Variants in PTPRM observed in about 807,000 individuals in gnomAD.
PTPRM encodes the protein receptor-type tyrosine-protein phosphatase mu.
A neutral mutation model predicts 186.7 loss-of-function variants in PTPRM; 47 were observed. The ratio of observed to expected loss-of-function variants is 0.25; its 90% CI spans 0.20 to 0.32. PTPRM has a LOEUF of 0.32. Among genes scored for constraint, PTPRM ranks in the 10% least tolerant of loss-of-function variants. The pLI is 1.00. For missense variants in PTPRM, 1,494 were observed against 1,865.0 expected, an observed-to-expected ratio of 0.80 and a Z score of 3.66; for synonymous variants, 668 against 674.9, an observed-to-expected ratio of 0.99 and a Z score of 0.16.
chr18:7,960,470 TATATATATATACAC>T (rs1160788825), intron 7 of PTPRM, among the ~76,000 whole-genome samples: 110 of 115,962 alleles, frequency 9.5e-4, no homozygotes, highest in African/African-American at 3.4e-3. Context: ...TATATATATA[TATATATATATACAC>T]ACACACACAC....
In PTPRM at chr18:8,327,238, A is replaced by C. The variant is rs144311174; in HGVS notation, c.2956+8024A>C. ...TTCCTTTTATGCTCAGAGGATCCAG[A>C]TGCCCAGTGTCATCTTTGAGGATGC... On this transcript the variant is annotated intron_variant, in intron 22 of 32. Transcript: ENST00000580170. Among the ~76,000 whole-genome samples, 830 of 152,340 alleles carry C rather than the reference A, an allele frequency of 5.4e-3. 6 individuals are homozygous for C. Among genetic ancestry groups the C allele is most frequent in the African/African-American group, 0.019 (797 of 41,586 alleles).
chr18:7,594,997 C>G (rs1218568276), intron 1 of PTPRM, among the ~76,000 whole-genome samples: 3 of 152,110 alleles, frequency 2.0e-5, no homozygotes, highest in African/African-American at 4.8e-5. Flanking sequence ...TCTTGGAGTT[C>G]TGGGGTCTTT....
At chr18:8,341,891 C>A (rs1357645429) in intron 22 of PTPRM, among the ~76,000 whole-genome samples, 1 of 152,246 alleles carries the variant, frequency 6.6e-6, no homozygotes, top group Non-Finnish European at 1.5e-5. Context: ...TCTTCAGCCT[C>A]TACATCAGGA....
At chr18:8,076,416 T>G (rs750626052) in intron 8 of PTPRM, 39 bp from the exon 9 acceptor site, 1 of 1,238,956 alleles carries the variant, frequency 8.1e-7, no homozygotes, top group Non-Finnish European at 1.2e-6. Context: ...TTTTAATTGT[T>G]TATTACTTAA....
chr18:7,884,731 T>G (rs1465854129), intron 2 of PTPRM, among the ~76,000 whole-genome samples: 1 of 151,950 alleles, frequency 6.6e-6, no homozygotes, highest in Non-Finnish European at 1.5e-5. Flanking sequence ...AAGACCAGCC[T>G]GACCAACATG....
chr18:7,758,016 G>A (rs1473182839), intron 1 of PTPRM, among the ~76,000 whole-genome samples: 3 of 152,042 alleles, frequency 2.0e-5, no homozygotes, highest in Admixed American at 6.6e-5. Context: ...GCATAATCAC[G>A]GGGGACACAT....
intron 2 of PTPRM, among the ~76,000 whole-genome samples, chr18:7,838,055 G>T (rs914293290): frequency 6.6e-6 from 1 of 152,138 alleles, no homozygotes; most frequent in Non-Finnish European, 1.5e-5. Context: ...GAGTGTATTA[G>T]TCTCTTCTCA....
intron 2 of PTPRM, among the ~76,000 whole-genome samples, chr18:7,827,719 C>T (rs2045557483): frequency 1.3e-5 from 2 of 152,200 alleles, no homozygotes; most frequent in South Asian, 2.1e-4. Flanking sequence ...CAAGGCTACT[C>T]GTCATGGTTG....
At chr18:8,212,306 G>A (rs892302774) in intron 14 of PTPRM, among the ~76,000 whole-genome samples, 3 of 152,152 alleles carry the variant, frequency 2.0e-5, no homozygotes, top group Non-Finnish European at 2.9e-5. Context: ...CCCCAGAGGC[G>A]GCAATACAGG....
intron 1 of PTPRM, among the ~76,000 whole-genome samples, chr18:7,743,005 A>T (rs1016258489): frequency 2.6e-5 from 4 of 152,244 alleles, no homozygotes; most frequent in Non-Finnish European, 4.4e-5. Flanking sequence ...AGAAGCAATC[A>T]TATTCCTGTC....
At chr18:8,135,331 A>G (rs2092613460) in intron 13 of PTPRM, among the ~76,000 whole-genome samples, 1 of 152,220 alleles carries the variant, frequency 6.6e-6, no homozygotes, top group African/African-American at 2.4e-5. Flanking sequence ...AAGGATAACA[A>G]CACAATTACA....
At chr18:8,026,452 C>T (rs1260784197) in intron 7 of PTPRM, among the ~76,000 whole-genome samples, 3 of 152,208 alleles carry the variant, frequency 2.0e-5, no homozygotes, top group Non-Finnish European at 4.4e-5. Context: ...TATTGAGAGT[C>T]TCAAGAGAAG....
intron 14 of PTPRM, among the ~76,000 whole-genome samples, chr18:8,147,524 T>C (rs2092913229): frequency 6.6e-6 from 1 of 152,244 alleles, no homozygotes; most frequent in African/African-American, 2.4e-5. Flanking sequence ...TGAAGTTACT[T>C]ATCAGCTTAA....
intron 13 of PTPRM, among the ~76,000 whole-genome samples, chr18:8,128,555 G>A (rs930064934): frequency 6.6e-6 from 1 of 152,076 alleles, no homozygotes; most frequent in South Asian, 2.1e-4. Flanking sequence ...TGTCACTGTT[G>A]ATTTATTGCC....
chr18:8,125,564 CT>C (rs2092312440), intron 13 of PTPRM, among the ~76,000 whole-genome samples: 1 of 151,956 alleles, frequency 6.6e-6, no homozygotes, highest in African/African-American at 2.4e-5. Flanking sequence ...TGGTTGCTGC[CT>C]TCTAAATTGA....
chr18:8,309,202 C>A (rs1345016872), intron 20 of PTPRM, among the ~76,000 whole-genome samples: 1 of 152,116 alleles, frequency 6.6e-6, no homozygotes. Context: ...GGTCATAGGT[C>A]GTGGATGTCT....
At chr18:8,181,477 G>A (rs2093573993) in intron 14 of PTPRM, among the ~76,000 whole-genome samples, 1 of 152,152 alleles carries the variant, frequency 6.6e-6, no homozygotes, top group Admixed American at 6.5e-5. Context: ...GTGTTCCTCT[G>A]GAAGTAGACG....
intron 4 of PTPRM, among the ~76,000 whole-genome samples, chr18:7,924,182 G>A (rs76549786): frequency 0.023 from 3,505 of 152,312 alleles, 126 homozygotes; most frequent in African/African-American, 0.08. Context: ...ATGTGGAAGA[G>A]GCAGGTATTC....
chr18:7,858,431 G>A (rs1424453256), intron 2 of PTPRM, among the ~76,000 whole-genome samples: 2 of 152,092 alleles, frequency 1.3e-5, no homozygotes, highest in African/African-American at 4.8e-5. Flanking sequence ...ATCATGGCTT[G>A]CCTTCAGTCC....
Sources: allele counts gnomAD v4.1 joint callset (sites outside exome capture counted in the v4.1 genomes callset), GRCh38; gene constraint gnomAD v4.1.1; transcripts MANE v1.5; gene names NCBI Gene and HGNC (gene_info 2026-07-23, HGNC 2026-07-21).